Variants in RFPL3 observed in about 807,000 individuals in gnomAD.
The protein encoded by RFPL3 is ret finger protein-like 3.
Under a neutral mutation model 8.7 loss-of-function variants are expected in RFPL3, and 8 were observed. The observed-to-expected ratio is 0.92, with a 90% CI of 0.54 to 1.66. The LOEUF is 1.66. Among genes scored for constraint, RFPL3 ranks in the 40% most tolerant of loss-of-function variants. RFPL3 has a pLI of 0.00. For synonymous variants in RFPL3, 145 were observed against 150.5 expected (o/e 0.96, Z 0.27); for missense variants, 341 against 395.0 (o/e 0.86, Z 1.16).
chr22:32,358,130 C>T lies in RFPL3; in HGVS notation c.59C>T (p.Pro20Leu), dbSNP rs1932728115. 7.4e-6 allele frequency: 12 copies of T among 1,613,934 alleles called. No homozygotes were observed. Among genetic ancestry groups the T allele is most frequent in the Non-Finnish European group, 1.0e-5 (12 of 1,179,838 alleles). Residue 20 changes from proline to leucine, a missense_variant, in exon 1 of 2, where the codon CCC becomes CTC. By Grantham distance (98) the Pro-to-Leu change is moderately conservative. Coordinates refer to ENST00000249007, the MANE Select transcript of RFPL3 (RefSeq NM_001098535.1). ...CTTTCACCTCAAGGAAATTTTCTTC[C>T]CTTGTGTACTTTTCCCCTGGCAGTG... ...NRLSPQGNFLPLCTFPLAVDM... is the reference protein window; with the variant it reads ...NRLSPQGNFLLLCTFPLAVDM...
upstream of RFPL3, chr22:32,357,737 G>A (rs1230518408): frequency 8.0e-6 from 5 of 624,422 alleles, no homozygotes; most frequent in Admixed American, 4.5e-5. Flanking sequence ...GAAGTGCTGG[G>A]ATTACAGGCA....
chr22:32,360,262 C>G lies in RFPL3; in HGVS notation c.384C>G (p.Thr128=), dbSNP rs776353522. 13 of 1,612,898 alleles carry G rather than the reference C, an allele frequency of 8.1e-6. No individual in the cohort carries two copies. In the East Asian group the frequency reaches 2.9e-4, roughly 36 times the overall value. The change falls in exon 2 of 2, where the codon ACC becomes ACG. Residue 128 remains threonine (T), a synonymous_variant. Transcript: ENST00000249007. ...PRMRKFQVDM[T]LDADTANNFL... ...TTTTCCTTTTCACAGTGGATATGAC[C>G]TTGGATGCCGACACAGCCAACAACT... is the stretch of plus-strand genomic sequence containing the variant.
chr22:32,358,464 T>C lies in RFPL3; in HGVS notation c.373+20T>C. ...TCCAAGGTAAGGAATCTGTATACCC[T>C]GCCCCCTTCCCAAGACCAGACCAGG... On this transcript the variant is annotated intron_variant, in intron 1 of 1. Transcript: ENST00000249007. 2 of 1,597,540 alleles carry C rather than the reference T, an allele frequency of 1.3e-6. No individual in the cohort carries two copies. Among genetic ancestry groups the C allele is most frequent in the Non-Finnish European group, 1.7e-6 (2 of 1,171,936 alleles).
intron 1 of RFPL3, 55 bp from the exon 2 acceptor site, chr22:32,360,197 A>C: frequency 6.4e-7 from 1 of 1,550,962 alleles, no homozygotes; most frequent in Non-Finnish European, 8.7e-7. Context: ...AGTAGAAGAG[A>C]GGCATGGGGT....
chr22:32,357,418 C>T (rs546611085), upstream of RFPL3, among the ~76,000 whole-genome samples: 5 of 151,888 alleles, frequency 3.3e-5, 1 homozygote, highest in South Asian at 1.0e-3. Context: ...GATCTTCCTG[C>T]CTTGGCCTCG....
chr22:32,355,972 T>C (rs1410646650), upstream of RFPL3, among the ~76,000 whole-genome samples: 3 of 152,054 alleles, frequency 2.0e-5, no homozygotes, highest in African/African-American at 7.2e-5. Flanking sequence ...TGCTGGCCTT[T>C]TGTGTGTGTT....
At position 32,360,929 on chromosome 22, in the gene RFPL3, A is replaced by G. The variant is rs1195689330; in HGVS notation, c.*97A>G. ...AAAAGCATTATACAGTCATAGGAGAAAGATATGGGACATTTCTATAATCTA... is the reference window on the plus strand; with the variant it reads ...AAAAGCATTATACAGTCATAGGAGAGAGATATGGGACATTTCTATAATCTA... On this transcript the variant is annotated 3_prime_UTR_variant, in exon 2 of 2. Transcript: ENST00000249007. 8.5e-7 allele frequency: 1 copy of G among 1,177,888 alleles called. No homozygotes were observed. Among genetic ancestry groups the G allele is most frequent in the Admixed American group, 2.8e-5 (1 of 36,264 alleles). The allele number at this position is 1,177,888 out of a possible 1,614,324, so 73.0% of individuals were successfully genotyped here.
chr22:32,355,698 G>A (rs527435138), upstream of RFPL3, among the ~76,000 whole-genome samples: 5 of 149,364 alleles, frequency 3.3e-5, 1 homozygote, highest in African/African-American at 1.2e-4. Context: ...CAGGAGAATC[G>A]CTTGAACCTG....
chr22:32,355,707 T>TGGGAGGCAGAGGTTGCA (rs1932640961), upstream of RFPL3, among the ~76,000 whole-genome samples: 1 of 144,428 alleles, frequency 6.9e-6, no homozygotes, highest in Non-Finnish European at 1.5e-5. Context: ...CGCTTGAACC[T>TGGGAGGCAGAGGTTGCA]GGGAGGCAGA....
chr22:32,360,321 G>A lies in RFPL3; in HGVS notation c.443G>A (p.Arg148Gln), dbSNP rs746530586. 7 of 1,613,806 alleles carry A rather than the reference G, an allele frequency of 4.3e-6. No individual in the cohort carries two copies. Among genetic ancestry groups the A allele is most frequent in the South Asian group, 1.1e-5 (1 of 91,074 alleles). ...LLISDDLRSVRSGLITQNRQD... is the reference protein window; with the variant it reads ...LLISDDLRSVQSGLITQNRQD... ...ATTTCTGACGACCTCAGGAGCGTCC[G>A]AAGTGGGCTCATCACACAGAATCGG... Residue 148 changes from arginine to glutamine, a missense_variant, in exon 2 of 2, where the codon CGA becomes CAA. Coordinates refer to ENST00000249007, the MANE Select transcript of RFPL3 (RefSeq NM_001098535.1).
intron 1 of RFPL3, chr22:32,359,912 T>C (rs1401436908): frequency 3.3e-6 from 1 of 302,168 alleles, no homozygotes; most frequent in African/African-American, 2.2e-5. Context: ...TGCATTGTCT[T>C]AATTATCATT....
chr22:32,360,611 G>C lies in RFPL3; in HGVS notation c.733G>C (p.Val245Leu). Residue 245 changes from valine (V) to leucine (L), a missense_variant, in exon 2 of 2, where the codon GTG becomes CTG. Transcript: ENST00000249007. ...CTTAGTAGACCGCAAGTTACAGCGAGTGGGGATTTTTCTGGATATGGGCAT... is the reference window on the plus strand; with the variant it reads ...CTTAGTAGACCGCAAGTTACAGCGACTGGGGATTTTTCTGGATATGGGCAT... ...FLLVDRKLQR[V>L]GIFLDMGMQN... The C allele has an allele frequency of 6.2e-7, 1 of 1,613,330 alleles. No individual in the cohort carries two copies. The highest frequency in any genetic ancestry group is 8.5e-7 in the Non-Finnish European group (1 of 1,179,392).
chr22:32,358,220 C>G lies in RFPL3; in HGVS notation c.149C>G (p.Pro50Arg), dbSNP rs760552303. The G allele has an allele frequency of 5.7e-5, 92 of 1,613,950 alleles. 1 individual carries two copies. The Admixed American group carries it at 1.5e-3, about 26-fold the overall frequency. The change falls in exon 1 of 2, where the codon CCA (proline) becomes CGA (arginine). Residue 50 changes from proline (P) to arginine (R), a missense_variant. Transcript: ENST00000249007. ...GTCTGCTCAGACTATCTGGAAAAAC[C>G]AATGTCCCTGGAGTGTGGATGCACC... ...CPVCSDYLEK[P>R]MSLECGCTVC...
intron 1 of RFPL3, among the ~76,000 whole-genome samples, chr22:32,359,080 G>A (rs1406749471): frequency 6.6e-6 from 1 of 152,190 alleles, no homozygotes; most frequent in Non-Finnish European, 1.5e-5. Flanking sequence ...TAAATGAAAA[G>A]GTTATGGTCA....
chr22:32,355,873 C>G (rs1430676236), upstream of RFPL3, among the ~76,000 whole-genome samples: 1 of 151,808 alleles, frequency 6.6e-6, no homozygotes, highest in Non-Finnish European at 1.5e-5. Flanking sequence ...TTTGCATATT[C>G]TCATAGAAAT....
chr22:32,356,351 G>A (rs889822709), upstream of RFPL3, among the ~76,000 whole-genome samples: 3 of 152,088 alleles, frequency 2.0e-5, no homozygotes, highest in Non-Finnish European at 2.9e-5. Flanking sequence ...AATGGAGAGA[G>A]AGGTGTTCAG....
upstream of RFPL3, among the ~76,000 whole-genome samples, chr22:32,357,256 T>C (rs1932698104): frequency 7.3e-6 from 1 of 137,816 alleles, no homozygotes; most frequent in Non-Finnish European, 1.7e-5. Flanking sequence ...ATTTTTTTTC[T>C]TTTCTTTTCT....
rs778372325 is a variant in RFPL3 at position 32,358,412 on chromosome 22, T to C, written c.341T>C (p.Leu114Pro). 1 of 1,614,046 alleles carries C rather than the reference T, an allele frequency of 6.2e-7. No individual in the cohort carries two copies. The highest frequency in any genetic ancestry group is 2.2e-5 in the East Asian group (1 of 44,872). Residue 114 changes from leucine (L) to proline (P), a missense_variant, in exon 1 of 2, where the codon CTA becomes CCA. By Grantham distance (98) the Leu-to-Pro change is moderately conservative. Coordinates refer to ENST00000249007, the MANE Select transcript of RFPL3 (RefSeq NM_001098535.1). Reference protein sequence around the residue: ...KELEPKLKKILQMNPRMRKFQ... With the variant: ...KELEPKLKKIPQMNPRMRKFQ... ...CTGGAGCCCAAGCTGAAGAAGATTC[T>C]ACAGATGAACCCAAGGATGCGGAAG...
intron 1 of RFPL3, 75 bp from the exon 2 acceptor site, chr22:32,360,177 G>C (rs1245723601): frequency 1.3e-6 from 2 of 1,497,180 alleles, no homozygotes; most frequent in African/African-American, 1.4e-5. Flanking sequence ...GGAGATATTT[G>C]GGCCTTTGAA....
Sources: gnomAD v4.1 joint callset for allele counts (sites outside exome capture counted in the v4.1 genomes callset) on GRCh38, gnomAD v4.1.1 for gene constraint, MANE v1.5 for transcripts, NCBI Gene and HGNC (gene_info 2026-07-23, HGNC 2026-07-21) for gene names.